The following ARMC8 variants were observed in gnomAD, a reference collection of about 807,000 sequenced individuals.
ARMC8 encodes the protein armadillo repeat-containing protein 8.
Under a neutral mutation model 99.3 loss-of-function variants are expected in ARMC8, and 20 were observed. That is an observed-to-expected ratio of 0.20 (90% CI 0.14 to 0.29). The LOEUF is 0.29. ARMC8 is among the 10% of genes least tolerant of loss of function. The pLI, the probability that ARMC8 is intolerant of heterozygous loss-of-function variation, is 1.00. For missense variants in ARMC8, 569 were observed against 809.5 expected (o/e 0.70, Z 3.60); for synonymous variants, 263 against 278.3 (o/e 0.95, Z 0.55).
chr3:138,202,100 T>G (rs2044119252), intron 1 of ARMC8, among the ~76,000 whole-genome samples: 1 of 152,212 alleles, frequency 6.6e-6, no homozygotes, highest in Non-Finnish European at 1.5e-5. Context: ...TTGTGTTTGT[T>G]TCTTTCATCT....
intron 12 of ARMC8, among the ~76,000 whole-genome samples, chr3:138,257,808 A>G (rs2047481805): frequency 6.6e-6 from 1 of 152,164 alleles, no homozygotes; most frequent in East Asian, 1.9e-4. Context: ...CAGCAGGTCC[A>G]GTCTCTGTTA....
chr3:138,201,732 T>TA (rs1248983263), intron 1 of ARMC8, among the ~76,000 whole-genome samples: 2 of 152,204 alleles, frequency 1.3e-5, no homozygotes, highest in African/African-American at 4.8e-5. Context: ...GTGCTGGGAT[T>TA]ACAGGCGTGG....
At chr3:138,213,429 A>G (rs1427492372) in intron 2 of ARMC8, among the ~76,000 whole-genome samples, 5 of 152,192 alleles carry the variant, frequency 3.3e-5, no homozygotes, top group African/African-American at 4.8e-5. Flanking sequence ...CCTGTTGTGT[A>G]AAAGGTTTGA....
intron 16 of ARMC8, among the ~76,000 whole-genome samples, chr3:138,272,447 C>T (rs575150465): frequency 2.4e-4 from 36 of 151,598 alleles, no homozygotes; most frequent in Non-Finnish European, 5.0e-4. Context: ...TGGTCACATT[C>T]CTCATGTAGA....
rs567997355 is a variant in ARMC8 at position 138,295,331 on chromosome 3, A to G, written c.1989-528A>G. ...CAAGATGAAATTGTAGCCTTCTTCC[A>G]CGGTTCTGAGGCATGTGAAGCATAA... On this transcript the variant is annotated intron_variant, in intron 21 of 21. Transcript: ENST00000469044. Among the ~76,000 whole-genome samples, 466 of 152,256 alleles carry G rather than the reference A, an allele frequency of 3.1e-3. 2 individuals are homozygous for G. The highest frequency in any genetic ancestry group is 5.5e-3 in the Non-Finnish European group (377 of 68,014).
At chr3:138,202,501 C>T (rs892111120) in intron 1 of ARMC8, among the ~76,000 whole-genome samples, 1 of 152,130 alleles carries the variant, frequency 6.6e-6, no homozygotes. Context: ...ACCCTCTTTG[C>T]ACAGAAATAG....
chr3:138,256,108 AC>A (rs887247800), intron 12 of ARMC8, among the ~76,000 whole-genome samples: 4 of 152,346 alleles, frequency 2.6e-5, no homozygotes, highest in African/African-American at 9.6e-5. Context: ...TGGATGGGAA[AC>A]CCTGCAGTTT....
In ARMC8 at chr3:138,237,268, A is replaced by G. The variant is rs530781218; in HGVS notation, c.610-41A>G. The G allele has an allele frequency of 1.9e-6, 3 of 1,568,276 alleles. No individual in the cohort carries two copies. In the African/African-American group the frequency reaches 4.1e-5, roughly 21 times the overall value. ...CTGAGACATTAAAATTTGCATTTGC[A>G]GAATTAAACACATTTTTTGTTTGTT... On this transcript the variant is annotated intron_variant, in intron 7 of 21. Coordinates refer to ENST00000469044, the MANE Select transcript of ARMC8 (RefSeq NM_001363941.2).
intron 12 of ARMC8, among the ~76,000 whole-genome samples, chr3:138,250,023 G>A (rs1034796953): frequency 2.0e-5 from 3 of 152,084 alleles, no homozygotes; most frequent in Non-Finnish European, 2.9e-5. Flanking sequence ...GAACTCTTAA[G>A]TTTTTGTTCC....
intron 17 of ARMC8, 64 bp downstream of exon 17, chr3:138,273,180 C>A: frequency 6.8e-7 from 1 of 1,477,616 alleles, no homozygotes; most frequent in South Asian, 1.3e-5. Flanking sequence ...AGACATTGCT[C>A]TCTCTCTGTG....
At chr3:138,192,318 C>T (rs1312207282) in intron 1 of ARMC8, among the ~76,000 whole-genome samples, 2 of 139,650 alleles carry the variant, frequency 1.4e-5, no homozygotes, top group Non-Finnish European at 3.0e-5. Flanking sequence ...CCCTCTGTTG[C>T]CCAGGCAGGA....
chr3:138,290,871 CT>C (rs2050872323), intron 21 of ARMC8, among the ~76,000 whole-genome samples: 1 of 152,220 alleles, frequency 6.6e-6, no homozygotes, highest in Non-Finnish European at 1.5e-5. Flanking sequence ...TCTGGGCCAT[CT>C]TAGTGGATTG....
At chr3:138,189,287 T>C (rs977945037) in intron 1 of ARMC8, among the ~76,000 whole-genome samples, 23 of 152,068 alleles carry the variant, frequency 1.5e-4, no homozygotes, top group Admixed American at 9.2e-4. Flanking sequence ...CTTTTTTTTT[T>C]CTTTAATTAA....
chr3:138,281,190 C>T (rs954990656), intron 18 of ARMC8, among the ~76,000 whole-genome samples: 9 of 152,050 alleles, frequency 5.9e-5, no homozygotes, highest in African/African-American at 2.2e-4. Flanking sequence ...TTAGTATATA[C>T]ACTAATATGC....
intron 1 of ARMC8, among the ~76,000 whole-genome samples, chr3:138,194,647 T>A (rs1019232583): frequency 3.3e-5 from 5 of 151,950 alleles, no homozygotes; most frequent in African/African-American, 9.7e-5. Context: ...TGTCATTATT[T>A]TTTTTTTTTT....
chr3:138,189,337 G>T (rs916253770), intron 1 of ARMC8, among the ~76,000 whole-genome samples: 2 of 151,480 alleles, frequency 1.3e-5, no homozygotes, highest in Non-Finnish European at 2.9e-5. Context: ...TGGTCTATCA[G>T]ATCTTCACTC....
Position 138,264,219 on chromosome 3 carries a change from A to AG in ARMC8, c.1299+8dup. 6.2e-7 allele frequency: 1 copy of AG among 1,612,778 alleles called. No individual in the cohort carries two copies. The highest frequency in any genetic ancestry group is 8.5e-7 in the Non-Finnish European group (1 of 1,178,848). On this transcript the variant is annotated splice_region_variant and intron_variant, in intron 14 of 21. Coordinates refer to ENST00000469044, the MANE Select transcript of ARMC8 (RefSeq NM_001363941.2). ...TTGGAAACCTTTAATGAAGGTAAGA[A>AG]GAAAGGGTCAGCCAGTAACAGCTGT...
chr3:138,215,766 T>A (rs990050654), intron 2 of ARMC8, among the ~76,000 whole-genome samples: 1 of 152,136 alleles, frequency 6.6e-6, no homozygotes, highest in Admixed American at 6.5e-5. Flanking sequence ...TTTTCAAAAT[T>A]ATGTATTCAC....
At chr3:138,289,792 T>C (rs978770392) in intron 20 of ARMC8, among the ~76,000 whole-genome samples, 24 of 152,220 alleles carry the variant, frequency 1.6e-4, no homozygotes, top group Non-Finnish European at 3.5e-4. Context: ...TAGAATCACC[T>C]GGGGAAGTTT....
Sources: gnomAD v4.1 joint callset for allele counts (sites outside exome capture counted in the v4.1 genomes callset) on GRCh38, gnomAD v4.1.1 for gene constraint, MANE v1.5 for transcripts, NCBI Gene and HGNC (gene_info 2026-07-23, HGNC 2026-07-21) for gene names.